VPS35L: variants seen among roughly 807,000 people sequenced by gnomAD.
The protein encoded by VPS35L is VPS35 endosomal protein sorting factor like, also known as VPS35 endosomal protein-sorting factor-like.
A neutral mutation model predicts 133.0 loss-of-function variants in VPS35L; 83 were observed. That is an observed-to-expected ratio of 0.62 (90% CI 0.52 to 0.75). VPS35L has a LOEUF of 0.75. Ranked by LOEUF, VPS35L falls within the 30% of genes least tolerant of loss-of-function variation. The pLI is 0.00. For missense variants in VPS35L, 1,083 were observed against 1,206.8 expected (o/e 0.90, Z 1.52); for synonymous variants, 423 against 449.9 (o/e 0.94, Z 0.76).
At chr16:19,584,753 A>G (rs930870031) in intron 7 of VPS35L, among the ~76,000 whole-genome samples, 3 of 151,642 alleles carry the variant, frequency 2.0e-5, no homozygotes, top group African/African-American at 4.9e-5. Context: ...AGTCACAGGC[A>G]TGATCATTCT....
chr16:19,662,059 C>G lies in VPS35L; in HGVS notation c.2222-7101C>G, dbSNP rs556965443. ...AATTAAAAAAAACTTAAAAAATCAG[C>G]AGGCATGATGGCGCACGCCTGTAGT... On this transcript the variant is annotated intron_variant, in intron 26 of 30. Transcript: ENST00000417362. Among the ~76,000 whole-genome samples the G allele has an allele frequency of 2.6e-5, 4 of 152,230 alleles. No homozygotes were observed. In the East Asian group the frequency reaches 5.8e-4, roughly 22 times the overall value.
intron 9 of VPS35L, 91 bp from the exon 10 acceptor site, chr16:19,608,087 T>C (rs186241340): frequency 2.2e-6 from 2 of 913,440 alleles, no homozygotes; most frequent in East Asian, 2.4e-5. Context: ...GTCACCCCCT[T>C]TTCTGCTCCA....
chr16:19,696,483 G>T (rs554913447), intron 29 of VPS35L, among the ~76,000 whole-genome samples: 1 of 152,320 alleles, frequency 6.6e-6, no homozygotes, highest in South Asian at 2.1e-4. Flanking sequence ...ATTTTATGAA[G>T]TTGTTTGTTT....
chr16:19,591,723 G>A, intron 7 of VPS35L, 67 bp from the exon 8 acceptor site: 1 of 1,215,900 alleles, frequency 8.2e-7, no homozygotes, highest in African/African-American at 1.5e-5. Context: ...TAATTTTTCA[G>A]ATCTGGAGTG....
intron 7 of VPS35L, among the ~76,000 whole-genome samples, chr16:19,590,298 A>G (rs1024092534): frequency 4.6e-5 from 7 of 152,088 alleles, no homozygotes; most frequent in African/African-American, 1.4e-4. Context: ...ACACATGTCA[A>G]CCTATCTCTT....
At chr16:19,563,790 G>A (rs1364058017) in intron 1 of VPS35L, among the ~76,000 whole-genome samples, 1 of 152,198 alleles carries the variant, frequency 6.6e-6, no homozygotes, top group Non-Finnish European at 1.5e-5. Flanking sequence ...ATCTGGGCTG[G>A]ATTTCTGTCT....
In VPS35L at chr16:19,603,454, A is replaced by G. The variant is rs374221585; in HGVS notation, c.784+1731A>G. The stretch of plus-strand genomic sequence containing the variant: ...CACTAATAGTGTTTATGTTGATTAC[A>G]TGTTGAAACGGTATTCTGGATGAAT... On this transcript the variant is annotated intron_variant, in intron 9 of 30. Coordinates refer to ENST00000417362, the MANE Select transcript of VPS35L (RefSeq NM_020314.7). 3.3e-5 allele frequency among the ~76,000 whole-genome samples: 5 copies of G among 152,360 alleles called. No individual in the cohort carries two copies. In the East Asian group the frequency reaches 5.8e-4, roughly 18 times the overall value.
chr16:19,607,222 C>T lies in VPS35L; in HGVS notation c.785-956C>T, dbSNP rs191958462. On this transcript the variant is annotated intron_variant, in intron 9 of 30. Transcript: ENST00000417362. ...ACCAGTTCCAGAAAACTCAAAATAACAGTAATGAAGGTCAGGGCCGATGGG... is the reference window on the plus strand; with the variant it reads ...ACCAGTTCCAGAAAACTCAAAATAATAGTAATGAAGGTCAGGGCCGATGGG... Among the ~76,000 whole-genome samples the T allele has an allele frequency of 1.2e-4, 19 of 152,242 alleles. 1 individual carries two copies. The highest frequency in any genetic ancestry group is 4.1e-4 in the African/African-American group (17 of 41,540).
chr16:19,596,068 T>C (rs1414843427), intron 8 of VPS35L, among the ~76,000 whole-genome samples: 1 of 151,890 alleles, frequency 6.6e-6, no homozygotes. Context: ...AAAAAAGATA[T>C]TAAGTCCCAT....
At position 19,608,208 on chromosome 16, in the gene VPS35L, C is replaced by T. The variant is rs3208064; in HGVS notation, c.815C>T (p.Thr272Met). 107 of 1,613,064 alleles carry T rather than the reference C, an allele frequency of 6.6e-5. 2 individuals carry two copies. The South Asian group carries it at 9.6e-4, about 14-fold the overall frequency. Residue 272 changes from threonine to methionine, a missense_variant, in exon 10 of 31, where the codon ACG becomes ATG. Physicochemically the swap from Thr to Met is moderately conservative, Grantham distance 81. Coordinates refer to ENST00000417362, the MANE Select transcript of VPS35L (RefSeq NM_020314.7). ...DHFSPENAND[T>M]AKETCLNWFF... ...TTTTCTCCAGAGAATGCAAATGACA[C>T]GGCCAAGGAAACATGCCTAAATTGG...
intron 14 of VPS35L, among the ~76,000 whole-genome samples, chr16:19,623,428 A>T (rs1973147675): frequency 6.6e-6 from 1 of 152,032 alleles, no homozygotes; most frequent in African/African-American, 2.4e-5. Flanking sequence ...TGGGATTCGG[A>T]TCCCACCCTT....
At chr16:19,613,132 C>T (rs1433465856) in intron 12 of VPS35L, among the ~76,000 whole-genome samples, 2 of 152,284 alleles carry the variant, frequency 1.3e-5, no homozygotes, top group African/African-American at 2.4e-5. Context: ...AAAAACCTGT[C>T]TCTACTAAAA....
At chr16:19,555,824 T>C (rs373016704) in intron 1 of VPS35L, 78 bp downstream of exon 1, 70 of 1,500,586 alleles carry the variant, frequency 4.7e-5, no homozygotes, top group Non-Finnish European at 6.2e-5. Context: ...TCTGAGAGTG[T>C]GAATTCCTCT....
chr16:19,697,588 G>A (rs572313019), intron 29 of VPS35L, among the ~76,000 whole-genome samples: 3 of 152,096 alleles, frequency 2.0e-5, no homozygotes, highest in Non-Finnish European at 2.9e-5. Context: ...ATAGCAGCTC[G>A]CAGGCGCCAT....
intron 27 of VPS35L, among the ~76,000 whole-genome samples, chr16:19,676,196 G>A (rs1975057374): frequency 1.3e-5 from 2 of 152,184 alleles, no homozygotes; most frequent in South Asian, 4.1e-4. Context: ...AGGTTGTAGT[G>A]AGCCAAGATT....
intron 26 of VPS35L, among the ~76,000 whole-genome samples, chr16:19,663,669 CTTTTTTTTT>C (rs59826351): frequency 1.6e-5 from 1 of 63,914 alleles, no homozygotes. Context: ...GCAGTAATTT[CTTTTTTTTT>C]TTTTTTTTTT....
chr16:19,609,730 G>A (rs559444499), intron 11 of VPS35L, among the ~76,000 whole-genome samples: 2 of 152,274 alleles, frequency 1.3e-5, no homozygotes, highest in Middle Eastern at 3.4e-3. Flanking sequence ...TATCTCAAGT[G>A]TGTTGGATTT....
chr16:19,666,872 T>TTTTCTTTCTTTCTTTCTTTCTTTC (rs551438290), intron 26 of VPS35L, among the ~76,000 whole-genome samples: 35 of 106,342 alleles, frequency 3.3e-4, no homozygotes, highest in South Asian at 7.2e-4. Context: ...AGGGCCATGT[T>TTTTCTTTCTTTCTTTCTTTCTTTC]TTTCTTTCTT....
chr16:19,562,352 C>T (rs987482155), intron 1 of VPS35L, among the ~76,000 whole-genome samples: 6 of 152,092 alleles, frequency 3.9e-5, no homozygotes, highest in African/African-American at 9.7e-5. Flanking sequence ...TAAAACTGGG[C>T]GGTGCAAACA....
Sources: gnomAD v4.1 joint callset for allele counts (sites outside exome capture counted in the v4.1 genomes callset) on GRCh38, gnomAD v4.1.1 for gene constraint, MANE v1.5 for transcripts, NCBI Gene and HGNC (gene_info 2026-07-23, HGNC 2026-07-21) for gene names.